Variants in GALNT17 observed in about 807,000 individuals in gnomAD.
GALNT17 encodes the protein polypeptide N-acetylgalactosaminyltransferase 17, also known as UDP-GalNAc:polypeptide N-acetylgalactosaminyltransferase-like 3.
A neutral mutation model predicts 63.7 loss-of-function variants in GALNT17; 29 were observed. The observed-to-expected ratio is 0.46, with a 90% CI of 0.34 to 0.62. The LOEUF (loss-of-function observed/expected upper bound fraction) is 0.62, where lower values mean the gene tolerates loss of function less well. Ranked by LOEUF, GALNT17 falls within the 20% of genes least tolerant of loss-of-function variation. The pLI is 0.01. For synonymous variants in GALNT17, 305 were observed against 318.3 expected (o/e 0.96, Z 0.45); for missense variants, 603 against 799.6 (o/e 0.75, Z 2.97).
chr7:71,419,037 TGCCATTGCACTATA>T (rs1786608657), intron 4 of GALNT17, among the ~76,000 whole-genome samples: 1 of 152,076 alleles, frequency 6.6e-6, no homozygotes, highest in African/African-American at 2.4e-5. Flanking sequence ...GCTGAGATCA[TGCCATTGCACTATA>T]GCCTGAGAGA....
chr7:71,246,112 G>GT (rs1790089868), intron 1 of GALNT17, among the ~76,000 whole-genome samples: 7 of 112,870 alleles, frequency 6.2e-5, no homozygotes, highest in South Asian at 2.7e-4. Context: ...AGCTTTTTTC[G>GT]TTGTTTTTTT....
chr7:71,622,521 T>G (rs1790310942), intron 6 of GALNT17, among the ~76,000 whole-genome samples: 1 of 152,136 alleles, frequency 6.6e-6, no homozygotes, highest in Non-Finnish European at 1.5e-5. Context: ...TCTGCTGGCT[T>G]TAATCTTGAA....
intron 1 of GALNT17, among the ~76,000 whole-genome samples, chr7:71,184,048 C>T (rs1407066656): frequency 6.6e-6 from 1 of 152,088 alleles, no homozygotes; most frequent in African/African-American, 2.4e-5. Flanking sequence ...GAGATACGGT[C>T]GTTAACGAGG....
intron 6 of GALNT17, among the ~76,000 whole-genome samples, chr7:71,628,624 A>G (rs1015752122): frequency 1.1e-4 from 17 of 152,200 alleles, no homozygotes; most frequent in Middle Eastern, 3.4e-3. Flanking sequence ...TGCCCAGCCA[A>G]TGTTTTTAAA....
chr7:71,317,450 G>T (rs1460467101), intron 1 of GALNT17, among the ~76,000 whole-genome samples: 1 of 152,188 alleles, frequency 6.6e-6, no homozygotes, highest in African/African-American at 2.4e-5. Context: ...GGGCGTGGTG[G>T]CTCTTGCCTG....
At chr7:71,452,144 G>C (rs547320054) in intron 5 of GALNT17, among the ~76,000 whole-genome samples, 7 of 152,214 alleles carry the variant, frequency 4.6e-5, no homozygotes, top group African/African-American at 1.7e-4. Context: ...TTGGGAGTCT[G>C]AGATGGGAGG....
chr7:71,633,928 G>A (rs1270395466), intron 6 of GALNT17, among the ~76,000 whole-genome samples: 1 of 152,220 alleles, frequency 6.6e-6, no homozygotes, highest in Non-Finnish European at 1.5e-5. Flanking sequence ...AAAGGGGGTT[G>A]GGGAGCTTGG....
At position 71,494,904 on chromosome 7, in the gene GALNT17, TACTC is replaced by T. The variant is rs543193486; in HGVS notation, c.962+73803_962+73806del. 2.0e-3 allele frequency among the ~76,000 whole-genome samples: 309 copies of T among 152,264 alleles called. 4 individuals are homozygous for T. Among genetic ancestry groups the T allele is most frequent in the Middle Eastern group, 0.017 (5 of 294 alleles). On this transcript the variant is annotated intron_variant, in intron 5 of 10. Transcript: ENST00000333538. ...TACAACCATCAGATCGCGTGAGACT[TACTC>T]ACTACCACAAGAACAGTATGGAGGC...
chr7:71,382,840 A>G (rs1398044020), intron 2 of GALNT17, among the ~76,000 whole-genome samples: 1 of 152,078 alleles, frequency 6.6e-6, no homozygotes, highest in African/African-American at 2.4e-5. Context: ...CCCATTTTTT[A>G]TTGTGTTAAA....
intron 1 of GALNT17, among the ~76,000 whole-genome samples, chr7:71,269,168 G>A (rs1583815776): frequency 1.3e-5 from 2 of 152,158 alleles, no homozygotes; most frequent in Admixed American, 6.5e-5. Context: ...CCAGGCAAGC[G>A]TTTAAGCCTT....
intron 1 of GALNT17, among the ~76,000 whole-genome samples, chr7:71,170,922 T>TC (rs397813574): frequency 2.4e-4 from 37 of 152,088 alleles, no homozygotes; most frequent in Non-Finnish European, 4.1e-4. Context: ...TTCTTTTTTT[T>TC]CCCTGTTTTT....
chr7:71,677,958 A>G (rs2117068468), intron 9 of GALNT17, among the ~76,000 whole-genome samples: 1 of 152,216 alleles, frequency 6.6e-6, no homozygotes, highest in African/African-American at 2.4e-5. Context: ...GCAATGCCAG[A>G]CAGGTTACTG....
chr7:71,270,295 A>G (rs1037794861), intron 1 of GALNT17, among the ~76,000 whole-genome samples: 2 of 151,958 alleles, frequency 1.3e-5, no homozygotes, highest in African/African-American at 4.8e-5. Context: ...TTATTATAGA[A>G]TGCAGATCAC....
chr7:71,382,801 A>G (rs1195255258), intron 2 of GALNT17, among the ~76,000 whole-genome samples: 1 of 152,118 alleles, frequency 6.6e-6, no homozygotes, highest in Non-Finnish European at 1.5e-5. Flanking sequence ...ATGGGGAGGT[A>G]GAGAGAGAGA....
Position 71,615,384 on chromosome 7 carries a change from G to A in GALNT17, c.1080+43982G>A, listed in dbSNP as rs992649402. ...CGAGTCACTGATACTGAGATCATGG[G>A]CCCCAGATGTGGCTTTTCCAGCCTG... is the stretch of plus-strand genomic sequence containing the variant. On this transcript the variant is annotated intron_variant, in intron 6 of 10. Transcript: ENST00000333538. Among the ~76,000 whole-genome samples the A allele has an allele frequency of 5.9e-5, 9 of 151,982 alleles. No homozygotes were observed. In the South Asian group the frequency reaches 6.2e-4, roughly 11 times the overall value.
At chr7:71,247,850 C>G (rs546771435) in intron 1 of GALNT17, among the ~76,000 whole-genome samples, 1 of 152,084 alleles carries the variant, frequency 6.6e-6, no homozygotes, top group African/African-American at 2.4e-5. Context: ...CATATTCTTA[C>G]AATAAAGGCG....
intron 5 of GALNT17, among the ~76,000 whole-genome samples, chr7:71,520,738 TTAC>T (rs1360312347): frequency 2.0e-5 from 3 of 151,862 alleles, no homozygotes; most frequent in Admixed American, 1.3e-4. Context: ...GTTGGAAAGA[TTAC>T]TAGGCTTGAG....
At chr7:71,390,036 G>T (rs910867990) in intron 3 of GALNT17, among the ~76,000 whole-genome samples, 5 of 152,188 alleles carry the variant, frequency 3.3e-5, no homozygotes, top group Non-Finnish European at 5.9e-5. Context: ...GCAAAATTCA[G>T]TGTGCTCACT....
At chr7:71,238,080 T>G (rs540275504) in intron 1 of GALNT17, among the ~76,000 whole-genome samples, 7 of 152,306 alleles carry the variant, frequency 4.6e-5, no homozygotes, top group African/African-American at 1.2e-4. Context: ...CACTCCACTA[T>G]TTAATGTATT....
Sources: gnomAD v4.1 joint callset for allele counts (sites outside exome capture counted in the v4.1 genomes callset) on GRCh38, gnomAD v4.1.1 for gene constraint, MANE v1.5 for transcripts, NCBI Gene and HGNC (gene_info 2026-07-23, HGNC 2026-07-21) for gene names.